PRKX: variants seen among roughly 807,000 people sequenced by gnomAD.
PRKX encodes the protein protein kinase cAMP-dependent X-linked catalytic subunit, also known as cAMP-dependent protein kinase catalytic subunit PRKX.
A neutral mutation model predicts 22.0 loss-of-function variants in PRKX; 12 were observed. The ratio of observed to expected loss-of-function variants is 0.54; its 90% CI spans 0.35 to 0.88. PRKX has a LOEUF of 0.88. PRKX is among the 40% of genes least tolerant of loss of function. PRKX has a pLI of 0.01. For missense variants in PRKX, 217 were observed against 308.0 expected (o/e 0.70, Z 2.21); for synonymous variants, 134 against 137.7 (o/e 0.97, Z 0.19).
chrX:3,643,122 C>CCCCCCA, intron 3 of PRKX, among the ~76,000 whole-genome samples: 2 of 62,902 alleles, frequency 3.2e-5, no homozygotes, highest in Non-Finnish European at 5.8e-5. Context: ...CCCCACCCCC[C>CCCCCCA]AAAAAAACAT....
intron 2 of PRKX, among the ~76,000 whole-genome samples, chrX:3,663,032 G>T (rs1490805505): frequency 9.4e-6 from 1 of 106,413 alleles, no homozygotes; most frequent in East Asian, 3.0e-4. Flanking sequence ...TAGAGATGGG[G>T]TCTCACTAAG....
intron 4 of PRKX, among the ~76,000 whole-genome samples, chrX:3,632,685 G>T (rs1204452647): frequency 1.8e-5 from 2 of 111,694 alleles, no homozygotes; most frequent in African/African-American, 3.2e-5. Flanking sequence ...CAGAGACAGT[G>T]TGTGTGTGTG....
At chrX:3,615,526 A>C (rs1239352466) in intron 7 of PRKX, among the ~76,000 whole-genome samples, 1 of 111,062 alleles carries the variant, frequency 9.0e-6, no homozygotes, top group East Asian at 2.8e-4. Flanking sequence ...GTCTCCTAAA[A>C]TCTGCTTCAA....
At chrX:3,702,009 T>C (rs1410892900) in intron 1 of PRKX, among the ~76,000 whole-genome samples, 2 of 112,251 alleles carry the variant, frequency 1.8e-5, no homozygotes, top group Non-Finnish European at 3.8e-5. Context: ...CATTCTTTTA[T>C]TCCTCTACTT....
intron 1 of PRKX, 76 bp from the exon 2 acceptor site, chrX:3,674,842 C>T (rs1245541467): frequency 2.0e-5 from 22 of 1,117,382 alleles, no homozygotes; most frequent in African/African-American, 5.4e-5. Context: ...ATGCAATCAG[C>T]GGGGGGCTGC....
chrX:3,655,486 G>A, intron 2 of PRKX, 74 bp from the exon 3 acceptor site: 1 of 1,125,400 alleles, frequency 8.9e-7, no homozygotes, highest in Non-Finnish European at 1.2e-6. Context: ...CTAGGTGTTG[G>A]GGTACAGATG....
chrX:3,688,171 C>T (rs929989145), intron 1 of PRKX, among the ~76,000 whole-genome samples: 24 of 108,882 alleles, frequency 2.2e-4, no homozygotes, highest in African/African-American at 3.3e-5. Flanking sequence ...CCCAGCTGGG[C>T]GCGCTGGCTC....
intron 6 of PRKX, 51 bp downstream of exon 6, chrX:3,621,208 G>T: frequency 9.2e-7 from 1 of 1,088,835 alleles, no homozygotes; most frequent in South Asian, 1.9e-5. Flanking sequence ...GTGTTAGACG[G>T]CAGACACGCA....
chrX:3,686,943 T>C (rs1202026103), intron 1 of PRKX, among the ~76,000 whole-genome samples: 2 of 112,385 alleles, frequency 1.8e-5, no homozygotes, highest in Admixed American at 9.5e-5. Context: ...ATTAACGGTG[T>C]TAAATACATT....
In PRKX at chrX:3,606,474, G is replaced by C. The variant is rs1287180269; in HGVS notation, c.*2495C>G. 8.1e-5 allele frequency: 9 copies of C among 111,602 alleles called. No individual in the cohort carries two copies. The allele number at this position is 111,602 out of a possible 1,213,427, so 9.2% of individuals were successfully genotyped here. Reference sequence around the variant, plus strand: ...GCTTACTGCAGCCTCTGCCTCCCGGGTTCAAGCGATTCTCCTGCCTCAGCC... The same window carrying C: ...GCTTACTGCAGCCTCTGCCTCCCGGCTTCAAGCGATTCTCCTGCCTCAGCC... On this transcript the variant is annotated 3_prime_UTR_variant, in exon 9 of 9. Coordinates refer to ENST00000262848, the MANE Select transcript of PRKX (RefSeq NM_005044.5).
intron 2 of PRKX, among the ~76,000 whole-genome samples, chrX:3,661,758 G>A (rs1927600156): frequency 8.9e-6 from 1 of 112,083 alleles, no homozygotes; most frequent in Non-Finnish European, 1.9e-5. Context: ...GATAGGACGA[G>A]TTTAGTGACC....
At chrX:3,681,114 G>C (rs1163079989) in intron 1 of PRKX, among the ~76,000 whole-genome samples, 1 of 111,441 alleles carries the variant, frequency 9.0e-6, no homozygotes, top group Admixed American at 9.6e-5. Context: ...AGGCACAGTG[G>C]TGCACACCTG....
At chrX:3,682,507 C>T (rs889599528) in intron 1 of PRKX, among the ~76,000 whole-genome samples, 1 of 110,572 alleles carries the variant, frequency 9.0e-6, no homozygotes, top group Non-Finnish European at 1.9e-5. Flanking sequence ...GCCTGGGCAA[C>T]ACAGCAAGAC....
At chrX:3,652,168 T>C (rs749372253) in intron 3 of PRKX, among the ~76,000 whole-genome samples, 19 of 110,539 alleles carry the variant, frequency 1.7e-4, no homozygotes, top group Non-Finnish European at 3.4e-4. Flanking sequence ...CCTGTAATCC[T>C]AGCACTTTGG....
intron 3 of PRKX, among the ~76,000 whole-genome samples, chrX:3,644,920 C>T (rs765815995): frequency 9.0e-6 from 1 of 111,458 alleles, no homozygotes; most frequent in Admixed American, 9.6e-5. Context: ...TTTTTGGCTC[C>T]GTGTTAGGGT....
Position 3,713,552 on chromosome X carries a change from G to T in PRKX, c.-299C>A, listed in dbSNP as rs1312289330. The stretch of plus-strand genomic sequence containing the variant: ...CGGGGGCCGCGGCCCGGGCTGGGGG[G>T]GGCGAGGCGGGGGCCCTGCGCATTC... On this transcript the variant is annotated 5_prime_UTR_variant, in exon 1 of 9. Coordinates refer to ENST00000262848, the MANE Select transcript of PRKX (RefSeq NM_005044.5). 3 of 187,420 alleles carry T rather than the reference G, an allele frequency of 1.6e-5. No homozygotes were observed. The highest frequency in any genetic ancestry group is 3.0e-5 in the Non-Finnish European group (3 of 101,398). The allele number at this position is 187,420 out of a possible 1,213,427, so 15.4% of individuals were successfully genotyped here.
chrX:3,612,764 A>G (rs187732336), intron 7 of PRKX, among the ~76,000 whole-genome samples: 59 of 110,998 alleles, frequency 5.3e-4, no homozygotes, highest in Non-Finnish European at 8.9e-4. Context: ...TCCAGCCTGA[A>G]TGACTGAGTG....
intron 1 of PRKX, among the ~76,000 whole-genome samples, chrX:3,696,858 A>G (rs1467242121): frequency 4.5e-5 from 5 of 111,293 alleles, no homozygotes; most frequent in African/African-American, 1.6e-4. Flanking sequence ...TGTCCCTACT[A>G]AAAAAACAAA....
chrX:3,713,400 C>T lies in PRKX; in HGVS notation c.-147G>A. The stretch of plus-strand genomic sequence containing the variant: ...TCTCGCCTCCTGGTGCGCGGTCCGG[C>T]GCGGCTGACGGAGCGACGGGGACAA... On this transcript the variant is annotated 5_prime_UTR_variant, in exon 1 of 9. Transcript: ENST00000262848. The T allele has an allele frequency of 2.2e-6, 1 of 455,850 alleles. No homozygotes were observed. Among genetic ancestry groups the T allele is most frequent in the East Asian group, 4.9e-5 (1 of 20,209 alleles). 37.6% of individuals were successfully genotyped at this position (455,850 alleles called of 1,213,427 possible). A position where few individuals can be genotyped will look rare whatever the true frequency, so the allele number is the denominator to read the frequency against.
Sources: gnomAD v4.1 joint callset for allele counts (sites outside exome capture counted in the v4.1 genomes callset) on GRCh38, gnomAD v4.1.1 for gene constraint, MANE v1.5 for transcripts, NCBI Gene and HGNC (gene_info 2026-07-23, HGNC 2026-07-21) for gene names.